The following GRM1 variants were observed in gnomAD, a reference collection of about 807,000 sequenced individuals.
The protein encoded by GRM1 is metabotropic glutamate receptor 1.
GRM1 carries 33 observed loss-of-function variants against 90.9 expected under a neutral mutation model. The observed-to-expected ratio is 0.36, with a 90% confidence interval of 0.28 to 0.49. The LOEUF (loss-of-function observed/expected upper bound fraction) is 0.49, where lower values mean the gene tolerates loss of function less well. Among genes scored for constraint, GRM1 ranks in the 20% least tolerant of loss-of-function variants. The pLI, the probability that GRM1 is intolerant of heterozygous loss-of-function variation, is 0.99. For missense variants in GRM1, 1,190 were observed against 1,534.3 expected (o/e 0.78, Z 3.75); for synonymous variants, 700 against 613.2 (o/e 1.14, Z -2.09).
chr6:146,031,163 A>G (rs1412470058), intron 1 of GRM1, among the ~76,000 whole-genome samples: 1 of 152,092 alleles, frequency 6.6e-6, no homozygotes, highest in African/African-American at 2.4e-5. Context: ...GACTCTCTTC[A>G]CCTTAGGTTA....
At chr6:146,068,773 T>C (rs1775935716) in intron 1 of GRM1, among the ~76,000 whole-genome samples, 1 of 152,180 alleles carries the variant, frequency 6.6e-6, no homozygotes, top group Non-Finnish European at 1.5e-5. Context: ...AAAAAGTAGC[T>C]AAATGCTACT....
intron 2 of GRM1, among the ~76,000 whole-genome samples, chr6:146,243,830 G>A (rs1583213677): frequency 6.6e-6 from 1 of 152,168 alleles, no homozygotes; most frequent in East Asian, 1.9e-4. Context: ...GGAGACTGGG[G>A]CTTATTTCAT....
chr6:146,304,813 C>G lies in GRM1; in HGVS notation c.1153C>G (p.Leu385Val), dbSNP rs1247189636. 1 of 1,613,698 alleles carries G rather than the reference C, an allele frequency of 6.2e-7. No individual in the cohort carries two copies. The highest frequency in any genetic ancestry group is 1.7e-5 in the Admixed American group (1 of 59,980). ...CCAGTGCCGCCTTCCAGGACACCTTCTGGAAAATCCCAACTTTAAACGAAT... is the reference window on the plus strand; with the variant it reads ...CCAGTGCCGCCTTCCAGGACACCTTGTGGAAAATCCCAACTTTAAACGAAT... Reference protein sequence around the residue: ...RFQCRLPGHLLENPNFKRICT... With the variant: ...RFQCRLPGHLVENPNFKRICT... The change falls in exon 3 of 8, where the codon CTG becomes GTG. Residue 385 changes from leucine to valine, a missense_variant. Leu to Val is a conservative substitution (Grantham distance 32). Around this residue, in one of 10 missense-constraint regions of GRM1, gnomAD observed 414 missense variants for 598.4 expected, o/e 0.69. Transcript: ENST00000282753.
chr6:146,200,796 A>T (rs1349857783), intron 2 of GRM1, among the ~76,000 whole-genome samples: 2 of 152,182 alleles, frequency 1.3e-5, no homozygotes, highest in East Asian at 3.9e-4. Flanking sequence ...GAAATCTGTA[A>T]AAGAGAGGGA....
chr6:146,205,406 A>G (rs1482465854), intron 2 of GRM1, among the ~76,000 whole-genome samples: 5 of 152,178 alleles, frequency 3.3e-5, no homozygotes, highest in Non-Finnish European at 7.3e-5. Context: ...CTCAGCATGT[A>G]TGTTTCAGAT....
At chr6:146,306,443 T>G (rs887069369) in intron 3 of GRM1, among the ~76,000 whole-genome samples, 5 of 152,162 alleles carry the variant, frequency 3.3e-5, no homozygotes, top group Non-Finnish European at 5.9e-5. Flanking sequence ...GACAACATAG[T>G]GCCTATTTTT....
At chr6:146,168,042 T>C (rs1232862254) in intron 2 of GRM1, among the ~76,000 whole-genome samples, 1 of 152,072 alleles carries the variant, frequency 6.6e-6, no homozygotes. Flanking sequence ...CTAATTTTTG[T>C]ATATGTTGTG....
intron 4 of GRM1, among the ~76,000 whole-genome samples, chr6:146,357,151 A>G (rs1785614805): frequency 6.8e-6 from 1 of 147,670 alleles, no homozygotes; most frequent in South Asian, 2.2e-4. Flanking sequence ...AATGTGAAAA[A>G]GAAATTTGGA....
chr6:146,176,229 G>C (rs1334941477), intron 2 of GRM1, among the ~76,000 whole-genome samples: 3 of 151,984 alleles, frequency 2.0e-5, no homozygotes, highest in African/African-American at 7.2e-5. Flanking sequence ...GATTTCTCTA[G>C]GTGTCAGCAA....
chr6:146,239,610 A>G (rs1327876169), intron 2 of GRM1, among the ~76,000 whole-genome samples: 1 of 152,160 alleles, frequency 6.6e-6, no homozygotes, highest in African/African-American at 2.4e-5. Context: ...TTTTCTTACT[A>G]GAACCTGAAA....
At chr6:146,117,841 G>T (rs576149902) in intron 1 of GRM1, among the ~76,000 whole-genome samples, 1 of 151,852 alleles carries the variant, frequency 6.6e-6, no homozygotes, top group Admixed American at 6.6e-5. Flanking sequence ...TAAAAACCAA[G>T]AATTTAAGTT....
chr6:146,028,615 A>G (rs3811105), upstream of GRM1, among the ~76,000 whole-genome samples: 13,370 of 152,092 alleles, frequency 0.088, 780 homozygotes, highest in Non-Finnish European at 0.12. Context: ...AAACATACCA[A>G]ACTCCTCCAT....
intron 3 of GRM1, among the ~76,000 whole-genome samples, chr6:146,312,303 T>C (rs533720141): frequency 8.1e-6 from 1 of 122,946 alleles, no homozygotes; most frequent in South Asian, 2.7e-4. Flanking sequence ...ATAGCGCCAC[T>C]GCAGTCCGGC....
chr6:146,371,477 A>G (rs1001415771), intron 5 of GRM1, among the ~76,000 whole-genome samples: 20 of 152,220 alleles, frequency 1.3e-4, no homozygotes, highest in African/African-American at 3.9e-4. Flanking sequence ...AAACAATCCA[A>G]TTACAATCTT....
At chr6:146,136,729 AG>A (rs1352238005) in intron 1 of GRM1, among the ~76,000 whole-genome samples, 1 of 152,120 alleles carries the variant, frequency 6.6e-6, no homozygotes, top group Non-Finnish European at 1.5e-5. Flanking sequence ...AATTCAGTAA[AG>A]TTGCAGGATA....
chr6:146,327,827 G>T (rs1046600972), intron 3 of GRM1, among the ~76,000 whole-genome samples: 2 of 152,086 alleles, frequency 1.3e-5, no homozygotes, highest in African/African-American at 4.8e-5. Flanking sequence ...ACTTTCCCTA[G>T]TTTCTTCTTT....
chr6:146,265,678 T>C (rs926734610), intron 2 of GRM1, among the ~76,000 whole-genome samples: 4 of 152,188 alleles, frequency 2.6e-5, no homozygotes, highest in African/African-American at 9.7e-5. Flanking sequence ...CATTTAAGTA[T>C]TTAATCCATC....
intron 1 of GRM1, among the ~76,000 whole-genome samples, chr6:146,127,866 A>C (rs989973989): frequency 6.6e-6 from 1 of 152,186 alleles, no homozygotes; most frequent in African/African-American, 2.4e-5. Context: ...ATGATTGTGT[A>C]ATGTGAGCAG....
intron 1 of GRM1, among the ~76,000 whole-genome samples, chr6:146,104,875 G>T (rs1053425897): frequency 6.6e-6 from 1 of 152,226 alleles, no homozygotes; most frequent in African/African-American, 2.4e-5. Flanking sequence ...AGTTAAACAT[G>T]TAGTGCTTGG....
Sources: gnomAD v4.1 joint callset for allele counts (sites outside exome capture counted in the v4.1 genomes callset) on GRCh38, gnomAD v4.1.1 for gene constraint, gnomAD v4.1.1 regional missense constraint, MANE v1.5 for transcripts, NCBI Gene and HGNC (gene_info 2026-07-23, HGNC 2026-07-21) for gene names.